Variants in SLC25A40 observed in about 807,000 individuals in gnomAD.
SLC25A40 encodes the protein mitochondrial glutathione transporter SLC25A40.
Under a neutral mutation model 46.5 loss-of-function variants are expected in SLC25A40, and 41 were observed. The observed-to-expected ratio is 0.88, with a 90% confidence interval of 0.69 to 1.14. The LOEUF is 1.14. Among genes scored for constraint, SLC25A40 ranks in the 50% most tolerant of loss-of-function variants. The pLI is 0.00. For missense variants in SLC25A40, 386 were observed against 393.6 expected, an observed-to-expected ratio of 0.98 and a Z score of 0.16; for synonymous variants, 126 against 127.5, an observed-to-expected ratio of 0.99 and a Z score of 0.08.
chr7:87,863,946 T>C (rs1838746243), intron 1 of SLC25A40, among the ~76,000 whole-genome samples: 1 of 152,280 alleles, frequency 6.6e-6, no homozygotes. Flanking sequence ...TGAGAACATG[T>C]GATGTTTGTC....
chr7:87,872,613 T>C (rs774904495), intron 1 of SLC25A40, among the ~76,000 whole-genome samples: 1 of 152,190 alleles, frequency 6.6e-6, no homozygotes, highest in Non-Finnish European at 1.5e-5. Flanking sequence ...ACTCTCATCA[T>C]TTCTATTCAA....
intron 8 of SLC25A40, among the ~76,000 whole-genome samples, chr7:87,845,378 C>T (rs1838399006): frequency 6.6e-6 from 1 of 152,126 alleles, no homozygotes; most frequent in African/African-American, 2.4e-5. Context: ...TGAGCATTAC[C>T]GCCTGAGCTC....
intron 1 of SLC25A40, among the ~76,000 whole-genome samples, chr7:87,872,539 G>C (rs947169790): frequency 1.3e-5 from 2 of 152,202 alleles, no homozygotes; most frequent in East Asian, 3.8e-4. Flanking sequence ...TGAAAGGCTT[G>C]AGCAAGCCTT....
At chr7:87,860,446 C>T (rs1161087699) in intron 2 of SLC25A40, 126 bp downstream of exon 2, 2 of 152,066 alleles carry the variant, frequency 1.3e-5, no homozygotes, top group Non-Finnish European at 2.9e-5. Context: ...TTATCAAATT[C>T]AGGAAACTTA....
At chr7:87,847,564 C>A (rs1249161582) in intron 7 of SLC25A40, among the ~76,000 whole-genome samples, 4 of 152,046 alleles carry the variant, frequency 2.6e-5, no homozygotes, top group Non-Finnish European at 5.9e-5. Context: ...CACGCATGAT[C>A]CCAGATGACA....
At chr7:87,872,864 A>T (rs533993272) in intron 1 of SLC25A40, among the ~76,000 whole-genome samples, 55 of 152,224 alleles carry the variant, frequency 3.6e-4, no homozygotes, top group African/African-American at 1.3e-3. Flanking sequence ...CACACTTAGG[A>T]TGTCTTCAAG....
intron 5 of SLC25A40, among the ~76,000 whole-genome samples, chr7:87,850,488 T>C (rs768433977): frequency 2.6e-5 from 4 of 152,106 alleles, no homozygotes; most frequent in Non-Finnish European, 5.9e-5. Context: ...CACGAAAAAC[T>C]GTTTGGCTGC....
chr7:87,870,237 C>T (rs944889080), intron 1 of SLC25A40, among the ~76,000 whole-genome samples: 7 of 151,116 alleles, frequency 4.6e-5, no homozygotes, highest in African/African-American at 1.7e-4. Flanking sequence ...ATTTTGTGGG[C>T]TGTCTTTTCA....
At chr7:87,854,697 A>G (rs947359873) in intron 4 of SLC25A40, among the ~76,000 whole-genome samples, 59 of 151,736 alleles carry the variant, frequency 3.9e-4, no homozygotes, top group Non-Finnish European at 6.2e-4. Flanking sequence ...CTGTAGTCCC[A>G]GCTACTCGGG....
intron 5 of SLC25A40, among the ~76,000 whole-genome samples, chr7:87,853,211 A>G (rs1412147420): frequency 6.6e-6 from 1 of 152,240 alleles, no homozygotes; most frequent in Non-Finnish European, 1.5e-5. Context: ...AGAGGGAAAT[A>G]AGCATATTAA....
At position 87,875,179 on chromosome 7, in the gene SLC25A40, T is replaced by G. The variant is rs867774310; in HGVS notation, c.-94+917A>C. Among the ~76,000 whole-genome samples, 19 of 152,354 alleles carry G rather than the reference T, an allele frequency of 1.2e-4. No homozygotes were observed. The South Asian group carries it at 3.9e-3, about 32-fold the overall frequency. Reference sequence around the variant, plus strand: ...GCAGAAATATTTTATTGGAGAGATATCAAATCAATCTCTATTTCCTCTTCC... The same window carrying G: ...GCAGAAATATTTTATTGGAGAGATAGCAAATCAATCTCTATTTCCTCTTCC... On this transcript the variant is annotated intron_variant, in intron 1 of 11. Transcript: ENST00000341119.
rs1051087407 is a variant in SLC25A40, at chr7:87,833,736, A to G, written c.*2513T>C. The G allele has an allele frequency of 3.9e-5, 6 of 151,982 alleles. No individual in the cohort carries two copies. In the East Asian group the frequency reaches 1.2e-3, roughly 29 times the overall value. 9.4% of individuals were successfully genotyped at this position (151,982 alleles called of 1,614,324 possible). On this transcript the variant is annotated 3_prime_UTR_variant, in exon 12 of 12. Transcript: ENST00000341119. ...TGTTACACAGGTAAACTTTTGTGTC[A>G]TGGGGATTTATTATACAGATTATTT...
chr7:87,874,444 A>G (rs1838946380), intron 1 of SLC25A40, among the ~76,000 whole-genome samples: 1 of 152,216 alleles, frequency 6.6e-6, no homozygotes, highest in African/African-American at 2.4e-5. Context: ...TTTTTGAAAG[A>G]GTACACTCAA....
intron 1 of SLC25A40, among the ~76,000 whole-genome samples, chr7:87,862,356 C>T (rs950001500): frequency 3.3e-5 from 5 of 152,144 alleles, no homozygotes; most frequent in African/African-American, 1.2e-4. Flanking sequence ...TTTTCTATAC[C>T]TTTTCTGCTT....
intron 4 of SLC25A40, among the ~76,000 whole-genome samples, chr7:87,855,348 A>T (rs1437984108): frequency 6.6e-6 from 1 of 152,122 alleles, no homozygotes; most frequent in Non-Finnish European, 1.5e-5. Context: ...TTTTTTTTAA[A>T]TGTCATTCTC....
chr7:87,852,749 G>A (rs1169268415), intron 5 of SLC25A40, among the ~76,000 whole-genome samples: 1 of 151,854 alleles, frequency 6.6e-6, no homozygotes, highest in South Asian at 2.1e-4. Context: ...TTTTAACAAA[G>A]GTGCAAAAAG....
chr7:87,843,832 C>CT lies in SLC25A40; in HGVS notation c.662dup (p.Lys222GlufsTer5). 1 of 1,609,374 alleles carries CT rather than the reference C, an allele frequency of 6.2e-7. No homozygotes were observed. Among genetic ancestry groups the CT allele is most frequent in the Non-Finnish European group, 8.5e-7 (1 of 1,176,752 alleles). ...AACCAGATTTCTCACATAACCACTT[C>CT]TTTAAAATTTCATAGTTATACCAGT... is the stretch of plus-strand genomic sequence containing the variant. On this transcript the variant is annotated frameshift_variant, in exon 9 of 12. Coordinates refer to ENST00000341119, the MANE Select transcript of SLC25A40 (RefSeq NM_018843.4). LOFTEE classifies it high-confidence loss of function.
intron 1 of SLC25A40, among the ~76,000 whole-genome samples, chr7:87,874,327 A>T (rs754665430): frequency 5.1e-4 from 78 of 152,122 alleles, no homozygotes; most frequent in Non-Finnish European, 9.0e-4. Flanking sequence ...TTCCTTTTTT[A>T]AAAAAAAGTT....
At chr7:87,840,610 G>T (rs995292057) in intron 10 of SLC25A40, among the ~76,000 whole-genome samples, 3 of 145,400 alleles carry the variant, frequency 2.1e-5, no homozygotes, top group Non-Finnish European at 4.7e-5. Flanking sequence ...CTGATGAGAA[G>T]AAAAGAAGAA....
Sources: allele counts gnomAD v4.1 joint callset (sites outside exome capture counted in the v4.1 genomes callset), GRCh38; gene constraint gnomAD v4.1.1; transcripts MANE v1.5; gene names NCBI Gene and HGNC (gene_info 2026-07-23, HGNC 2026-07-21).